Variants in ZBTB8OS observed in about 807,000 individuals in gnomAD.
The protein encoded by ZBTB8OS is tRNA splicing ligase complex subunit 1, also known as tRNA-splicing ligase-activating factor archease.
In ZBTB8OS, 16 loss-of-function variants were observed where a neutral mutation model predicts 29.3. The observed-to-expected ratio is 0.55, with a 90% CI of 0.37 to 0.83. The LOEUF is 0.83. Among genes scored for constraint, ZBTB8OS ranks in the 40% least tolerant of loss-of-function variants. The pLI, the probability that ZBTB8OS is intolerant of heterozygous loss-of-function variation, is 0.00. For missense variants in ZBTB8OS, 160 were observed against 196.9 expected, an observed-to-expected ratio of 0.81 and a Z score of 1.12; for synonymous variants, 70 against 64.6, an observed-to-expected ratio of 1.08 and a Z score of -0.40.
chr1:32,648,033 C>G (rs1227562964), intron 1 of ZBTB8OS, among the ~76,000 whole-genome samples: 1 of 150,032 alleles, frequency 6.7e-6, no homozygotes, highest in Non-Finnish European at 1.5e-5. Context: ...ACCAACAACC[C>G]AAGACAAAAA....
At chr1:32,628,020 G>C (rs1200067123) in intron 5 of ZBTB8OS, among the ~76,000 whole-genome samples, 1 of 151,830 alleles carries the variant, frequency 6.6e-6, no homozygotes, top group African/African-American at 2.4e-5. Flanking sequence ...CTCTAGCCTG[G>C]GTGTCAGGGC....
At chr1:32,650,325 C>T in intron 1 of ZBTB8OS, 108 bp downstream of exon 1, 1 of 1,432,510 alleles carries the variant, frequency 7.0e-7, no homozygotes, top group Non-Finnish European at 9.6e-7. Flanking sequence ...TGGGATCATG[C>T]CTGAAGTACC....
intron 5 of ZBTB8OS, among the ~76,000 whole-genome samples, chr1:32,630,569 C>A (rs903867293): frequency 6.6e-6 from 1 of 151,320 alleles, no homozygotes; most frequent in African/African-American, 2.4e-5. Context: ...ATCAATCAAT[C>A]AATCAAATTA....
chr1:32,623,633 A>G (rs2148289886), intron 6 of ZBTB8OS, among the ~76,000 whole-genome samples: 1 of 152,190 alleles, frequency 6.6e-6, no homozygotes, highest in South Asian at 2.1e-4. Flanking sequence ...TCCCCTTACC[A>G]AATTTTACCA....
intron 6 of ZBTB8OS, among the ~76,000 whole-genome samples, chr1:32,625,420 G>C (rs1645052590): frequency 6.6e-6 from 1 of 151,922 alleles, no homozygotes. Context: ...TGTAATCACA[G>C]CTACTTGTGA....
intron 1 of ZBTB8OS, among the ~76,000 whole-genome samples, chr1:32,647,912 C>T (rs797013950): frequency 8.5e-5 from 13 of 152,244 alleles, no homozygotes; most frequent in African/African-American, 3.1e-4. Flanking sequence ...CTACAACCCC[C>T]GTTGGTGGAA....
intron 1 of ZBTB8OS, among the ~76,000 whole-genome samples, chr1:32,641,315 C>G (rs1269822200): frequency 3.5e-5 from 5 of 141,006 alleles, no homozygotes; most frequent in South Asian, 2.2e-4. Context: ...CTCTTGTTGC[C>G]CAGGCTGGAG....
intron 6 of ZBTB8OS, among the ~76,000 whole-genome samples, chr1:32,623,733 AT>A (rs1644904339): frequency 6.6e-6 from 1 of 152,030 alleles, no homozygotes; most frequent in Non-Finnish European, 1.5e-5. Context: ...AACTTACCTC[AT>A]TTCAGGGCCT....
intron 1 of ZBTB8OS, among the ~76,000 whole-genome samples, chr1:32,646,259 T>C (rs1016217251): frequency 6.6e-6 from 1 of 151,486 alleles, no homozygotes; most frequent in Non-Finnish European, 1.5e-5. Flanking sequence ...GCAGAGGTTG[T>C]AGTGAGTCAA....
intron 1 of ZBTB8OS, among the ~76,000 whole-genome samples, chr1:32,638,554 A>G (rs1024882174): frequency 2.6e-5 from 4 of 152,152 alleles, no homozygotes; most frequent in African/African-American, 9.7e-5. Context: ...TATGGGTTAT[A>G]TCTGTCAATG....
chr1:32,634,678 G>A, intron 2 of ZBTB8OS, 90 bp downstream of exon 2: 1 of 1,542,940 alleles, frequency 6.5e-7, no homozygotes, highest in Non-Finnish European at 9.0e-7. Flanking sequence ...AAAATGAGAG[G>A]AGAAAAATTA....
At chr1:32,645,395 A>G (rs1249525911) in intron 1 of ZBTB8OS, among the ~76,000 whole-genome samples, 1 of 152,110 alleles carries the variant, frequency 6.6e-6, no homozygotes. Context: ...CCATCTACTC[A>G]GGAGGCTGAG....
Position 32,649,668 on chromosome 1 carries a change from ATT to A in ZBTB8OS, c.97+763_97+764del, listed in dbSNP as rs1156427480. Among the ~76,000 whole-genome samples the A allele has an allele frequency of 8.9e-3, 276 of 31,086 alleles. 4 individuals are homozygous for A. Among genetic ancestry groups the A allele is most frequent in the African/African-American group, 0.039 (231 of 5,950 alleles). The allele number at this position is 31,086 out of a possible 152,430, so 20.4% of individuals were successfully genotyped here. ...CACACACACACACACACACACACAC[ATT>A]TTTTTTTTTTTTTGAGACAGAGTTT... On this transcript the variant is annotated intron_variant, in intron 1 of 6. Coordinates refer to ENST00000468695, the MANE Select transcript of ZBTB8OS (RefSeq NM_178547.5).
chr1:32,626,552 T>C (rs1645146769), intron 6 of ZBTB8OS, among the ~76,000 whole-genome samples: 1 of 150,472 alleles, frequency 6.6e-6, no homozygotes, highest in Admixed American at 6.6e-5. Flanking sequence ...TTTATTTACT[T>C]TTATTTTATT....
In ZBTB8OS at chr1:32,633,641, T is replaced by C; in HGVS notation, c.327+4A>G. 1 of 1,590,222 alleles carries C rather than the reference T, an allele frequency of 6.3e-7. No homozygotes were observed. The highest frequency in any genetic ancestry group is 1.2e-5 in the South Asian group (1 of 86,004). On this transcript the variant is annotated splice_donor_region_variant and intron_variant, in intron 4 of 6. Coordinates refer to ENST00000468695, the MANE Select transcript of ZBTB8OS (RefSeq NM_178547.5). ...CTCAGTAAAAAAGAAAAACCTTTGC[T>C]TACCCGGGGTATGAAGAATTCATCA...
intron 5 of ZBTB8OS, among the ~76,000 whole-genome samples, chr1:32,630,487 A>AG (rs1645462185): frequency 6.6e-6 from 1 of 152,146 alleles, no homozygotes; most frequent in Non-Finnish European, 1.5e-5. Context: ...CAGGAGTTCA[A>AG]AGCTGCAGTG....
At chr1:32,649,799 G>A (rs565151070) in intron 1 of ZBTB8OS, among the ~76,000 whole-genome samples, 10 of 151,938 alleles carry the variant, frequency 6.6e-5, no homozygotes, top group Admixed American at 5.2e-4. Flanking sequence ...CGAGTAGCTG[G>A]GATTACAGAC....
chr1:32,638,892 T>A (rs1646193790), intron 1 of ZBTB8OS, among the ~76,000 whole-genome samples: 2 of 151,836 alleles, frequency 1.3e-5, no homozygotes, highest in South Asian at 2.1e-4. Flanking sequence ...CCAGCCTGTG[T>A]GACAGAGTGA....
intron 2 of ZBTB8OS, chr1:32,634,531 T>G: frequency 1.8e-6 from 1 of 564,074 alleles, no homozygotes; most frequent in Non-Finnish European, 3.1e-6. Context: ...CGGCCTTATT[T>G]TTATTTTTTA....
Sources: gnomAD v4.1 joint callset for allele counts (sites outside exome capture counted in the v4.1 genomes callset) on GRCh38, gnomAD v4.1.1 for gene constraint, MANE v1.5 for transcripts, NCBI Gene and HGNC (gene_info 2026-07-23, HGNC 2026-07-21) for gene names.